The following SHISA6 variants were observed in gnomAD, a reference collection of about 807,000 sequenced individuals.
The protein encoded by SHISA6 is shisa family member 6, also known as protein shisa-6.
In SHISA6, 22 loss-of-function variants were observed where a neutral mutation model predicts 47.9. The ratio of observed to expected loss-of-function variants is 0.46; its 90% CI spans 0.33 to 0.66. SHISA6 has a LOEUF of 0.66. Ranked by LOEUF, SHISA6 falls within the 30% of genes least tolerant of loss-of-function variation. SHISA6 has a pLI of 0.02. For synonymous variants in SHISA6, 388 were observed against 337.8 expected, an observed-to-expected ratio of 1.15 and a Z score of -1.63; for missense variants, 680 against 764.6, an observed-to-expected ratio of 0.89 and a Z score of 1.30.
intron 2 of SHISA6, among the ~76,000 whole-genome samples, chr17:11,348,775 G>A (rs370313148): frequency 1.3e-4 from 20 of 152,162 alleles, no homozygotes; most frequent in African/African-American, 4.8e-4. Context: ...GAGATCCTAA[G>A]TAGTAAAATG....
chr17:11,550,825 G>A (rs1468575221), intron 3 of SHISA6, among the ~76,000 whole-genome samples: 1 of 152,246 alleles, frequency 6.6e-6, no homozygotes, highest in Non-Finnish European at 1.5e-5. Context: ...AAACCTTGGA[G>A]TAGAGCTGAA....
rs181451376 is a variant in SHISA6 at position 11,432,176 on chromosome 17, G to A, written c.895+52667G>A. 1.0e-3 allele frequency among the ~76,000 whole-genome samples: 158 copies of A among 152,328 alleles called. 1 individual carries two copies. In the Middle Eastern group the frequency reaches 0.017, roughly 16 times the overall value. On this transcript the variant is annotated intron_variant, in intron 3 of 5. Coordinates refer to ENST00000441885, the MANE Select transcript of SHISA6 (RefSeq NM_207386.4). Reference sequence around the variant, plus strand: ...TGGTGGTGGAAGAATGGTTTATTGAGAGGAAGCCACAAGGATTAAAAATAA... The same window carrying A: ...TGGTGGTGGAAGAATGGTTTATTGAAAGGAAGCCACAAGGATTAAAAATAA...
intron 2 of SHISA6, among the ~76,000 whole-genome samples, chr17:11,265,137 A>T (rs1908379311): frequency 6.6e-6 from 1 of 152,240 alleles, no homozygotes; most frequent in Non-Finnish European, 1.5e-5. Flanking sequence ...AGGTCTTAAA[A>T]TTGCTGATGC....
intron 3 of SHISA6, among the ~76,000 whole-genome samples, chr17:11,498,058 A>G (rs1422789336): frequency 6.6e-6 from 1 of 152,104 alleles, no homozygotes; most frequent in East Asian, 1.9e-4. Context: ...GAACTGGGGG[A>G]ATGTTAATTA....
intron 2 of SHISA6, among the ~76,000 whole-genome samples, chr17:11,319,627 T>C (rs1316059780): frequency 6.6e-6 from 1 of 152,264 alleles, no homozygotes; most frequent in East Asian, 1.9e-4. Flanking sequence ...TAAGTCATGT[T>C]TGACTAGCCT....
At chr17:11,250,790 C>T (rs941678063) in intron 1 of SHISA6, among the ~76,000 whole-genome samples, 1 of 152,006 alleles carries the variant, frequency 6.6e-6, no homozygotes, top group Non-Finnish European at 1.5e-5. Flanking sequence ...AGCTCTGTGT[C>T]CCAGGAGCTT....
At chr17:11,448,923 A>G (rs944155585) in intron 3 of SHISA6, among the ~76,000 whole-genome samples, 1 of 152,130 alleles carries the variant, frequency 6.6e-6, no homozygotes, top group Admixed American at 6.5e-5. Flanking sequence ...CCTCTCCCAG[A>G]TCTGAAATGT....
At chr17:11,540,093 C>A (rs2071820691) in intron 3 of SHISA6, among the ~76,000 whole-genome samples, 1 of 152,170 alleles carries the variant, frequency 6.6e-6, no homozygotes, top group Admixed American at 6.5e-5. Context: ...GACCTCCACC[C>A]ATTACATAGA....
intron 2 of SHISA6, among the ~76,000 whole-genome samples, chr17:11,296,848 G>A (rs1909767908): frequency 6.6e-6 from 1 of 152,072 alleles, no homozygotes; most frequent in Non-Finnish European, 1.5e-5. Flanking sequence ...AGGTTGTGGT[G>A]TCCCAGAAGC....
intron 2 of SHISA6, among the ~76,000 whole-genome samples, chr17:11,345,865 T>A (rs1911685856): frequency 6.6e-6 from 1 of 151,982 alleles, no homozygotes; most frequent in African/African-American, 2.4e-5. Context: ...TTTTAGTAGA[T>A]TCCTTAGGAT....
chr17:11,431,655 C>T (rs946328348), intron 3 of SHISA6, among the ~76,000 whole-genome samples: 12 of 152,230 alleles, frequency 7.9e-5, no homozygotes, highest in African/African-American at 2.2e-4. Context: ...CCCACTGTAG[C>T]GATTGATCTT....
At chr17:11,261,451 G>A (rs1249247623) in intron 1 of SHISA6, among the ~76,000 whole-genome samples, 4 of 152,218 alleles carry the variant, frequency 2.6e-5, no homozygotes, top group East Asian at 1.9e-4. Context: ...AAGATACATC[G>A]CATAGCGCAA....
intron 3 of SHISA6, among the ~76,000 whole-genome samples, chr17:11,496,748 G>GAAAAAAAAAAAAAAAAAAAAAAAAA (rs111418769): frequency 7.8e-6 from 1 of 127,828 alleles, no homozygotes; most frequent in African/African-American, 2.9e-5. Context: ...CAAAAAAAAA[G>GAAAAAAAAAAAAAAAAAAAAAAAAA]AAAAAAAAAA....
chr17:11,339,509 T>C (rs1911452898), intron 2 of SHISA6, among the ~76,000 whole-genome samples: 1 of 152,154 alleles, frequency 6.6e-6, no homozygotes, highest in Non-Finnish European at 1.5e-5. Context: ...CAAGAAATCG[T>C]TTTTTGAGGG....
intron 2 of SHISA6, among the ~76,000 whole-genome samples, chr17:11,285,016 A>G (rs569401704): frequency 6.6e-6 from 1 of 152,298 alleles, no homozygotes; most frequent in Non-Finnish European, 1.5e-5. Context: ...GATGCTAAAC[A>G]CGGGCCATCT....
At chr17:11,425,006 C>CAA (rs34270452) in intron 3 of SHISA6, among the ~76,000 whole-genome samples, 3,148 of 69,592 alleles carry the variant, frequency 0.045, 111 homozygotes, top group Non-Finnish European at 0.058. Flanking sequence ...TACTCCGTCT[C>CAA]AAAAAAAAAA....
chr17:11,501,602 T>C (rs2071454176), intron 3 of SHISA6, among the ~76,000 whole-genome samples: 2 of 152,018 alleles, frequency 1.3e-5, no homozygotes, highest in African/African-American at 4.8e-5. Flanking sequence ...TGGGCCTCCA[T>C]AGGTGCTAGA....
chr17:11,516,968 C>A (rs1016406740), intron 3 of SHISA6, among the ~76,000 whole-genome samples: 13 of 152,156 alleles, frequency 8.5e-5, no homozygotes, highest in African/African-American at 2.9e-4. Flanking sequence ...GAATTCAAGT[C>A]TTTGAGACTG....
intron 2 of SHISA6, among the ~76,000 whole-genome samples, chr17:11,293,344 A>G (rs893873190): frequency 6.6e-6 from 1 of 152,174 alleles, no homozygotes; most frequent in African/African-American, 2.4e-5. Context: ...TTGATTTGTC[A>G]TATGCAAGGG....
Sources: allele counts gnomAD v4.1 joint callset (sites outside exome capture counted in the v4.1 genomes callset), GRCh38; gene constraint gnomAD v4.1.1; transcripts MANE v1.5; gene names NCBI Gene and HGNC (gene_info 2026-07-23, HGNC 2026-07-21).